Variants in PDE4D observed in about 807,000 individuals in gnomAD.
PDE4D encodes 3',5'-cyclic-AMP phosphodiesterase 4D.
Under a neutral mutation model 87.4 loss-of-function variants are expected in PDE4D, and 24 were observed. That is an observed-to-expected ratio of 0.27 (90% CI 0.20 to 0.39). The LOEUF (loss-of-function observed/expected upper bound fraction) is 0.39, where lower values mean the gene tolerates loss of function less well. Among genes scored for constraint, PDE4D ranks in the 10% least tolerant of loss-of-function variants. PDE4D has a pLI of 1.00. For synonymous variants in PDE4D, 384 were observed against 383.2 expected (o/e 1.00, Z -0.02); for missense variants, 714 against 1,041.0 (o/e 0.69, Z 4.32).
At chr5:59,462,329 G>A (rs1226769681) in intron 1 of PDE4D, among the ~76,000 whole-genome samples, 1 of 151,752 alleles carries the variant, frequency 6.6e-6, no homozygotes, top group Non-Finnish European at 1.5e-5. Context: ...AATTAGCTAG[G>A]GTCTCTAGGT....
intron 5 of PDE4D, among the ~76,000 whole-genome samples, chr5:59,112,766 T>C (rs1244816766): frequency 6.6e-6 from 1 of 151,264 alleles, no homozygotes; most frequent in African/African-American, 2.4e-5. Context: ...CTTTCTACCC[T>C]TCCCTTCCTT....
chr5:59,296,830 T>C (rs978066670), intron 1 of PDE4D, among the ~76,000 whole-genome samples: 1 of 151,894 alleles, frequency 6.6e-6, no homozygotes, highest in African/African-American at 2.4e-5. Context: ...AAGGTTAAAC[T>C]CGCAAGGTTA....
chr5:59,365,295 C>CA (rs1024453783), intron 1 of PDE4D, among the ~76,000 whole-genome samples: 3 of 151,804 alleles, frequency 2.0e-5, no homozygotes, highest in Non-Finnish European at 4.4e-5. Flanking sequence ...CCCATCTCTA[C>CA]AAAAAAGAGA....
intron 1 of PDE4D, among the ~76,000 whole-genome samples, chr5:59,515,461 T>C (rs1810990343): frequency 6.6e-6 from 1 of 152,080 alleles, no homozygotes; most frequent in South Asian, 2.1e-4. Flanking sequence ...TTTTAAAAAG[T>C]GGTATAAAAT....
chr5:59,558,662 A>C (rs896700582), intron 1 of PDE4D: 8 of 152,212 alleles, frequency 5.3e-5, no homozygotes, highest in South Asian at 2.1e-4. Context: ...TGTGCATCTG[A>C]TACCATAAAT....
intron 1 of PDE4D, among the ~76,000 whole-genome samples, chr5:59,686,995 G>A (rs1749981246): frequency 6.6e-6 from 1 of 152,118 alleles, no homozygotes; most frequent in Non-Finnish European, 1.5e-5. Flanking sequence ...TTTGGTAGAG[G>A]TTCTCATTAG....
At chr5:59,642,523 A>G (rs893560492) in intron 1 of PDE4D, among the ~76,000 whole-genome samples, 2 of 152,184 alleles carry the variant, frequency 1.3e-5, no homozygotes, top group African/African-American at 2.4e-5. Flanking sequence ...GTGGTGGTGA[A>G]TAAGTCTCAC....
intron 1 of PDE4D, among the ~76,000 whole-genome samples, chr5:60,407,585 T>C (rs1741663412): frequency 6.7e-6 from 1 of 150,000 alleles, no homozygotes; most frequent in Non-Finnish European, 1.5e-5. Context: ...TCTGAGTAGC[T>C]GGGACTGCAG....
At chr5:59,888,993 G>A (rs1168287075) in intron 1 of PDE4D, among the ~76,000 whole-genome samples, 2 of 151,916 alleles carry the variant, frequency 1.3e-5, no homozygotes, top group South Asian at 2.1e-4. Flanking sequence ...TTGGGAGGCC[G>A]AGGCGGGTGG....
chr5:59,430,284 A>C, intron 1 of PDE4D: 2 of 1,231,166 alleles, frequency 1.6e-6, no homozygotes, highest in Admixed American at 8.4e-5. Flanking sequence ...GAGGAAAGGA[A>C]AGCAGTTACC....
chr5:60,310,589 G>A (rs575619830), intron 1 of PDE4D, among the ~76,000 whole-genome samples: 76 of 152,294 alleles, frequency 5.0e-4, no homozygotes, highest in African/African-American at 1.7e-3. Context: ...GAAAAGTGGG[G>A]TTGTGTGATT....
At chr5:60,412,214 T>C (rs1742103733) in intron 1 of PDE4D, among the ~76,000 whole-genome samples, 2 of 152,128 alleles carry the variant, frequency 1.3e-5, no homozygotes, top group Non-Finnish European at 2.9e-5. Flanking sequence ...CACTATTCCA[T>C]CTTGCAAGTA....
At chr5:59,170,189 TA>T (rs1258930612) in intron 5 of PDE4D, among the ~76,000 whole-genome samples, 1 of 152,178 alleles carries the variant, frequency 6.6e-6, no homozygotes, top group African/African-American at 2.4e-5. Flanking sequence ...AGCTAATTTT[TA>T]AAATTTTTTG....
intron 1 of PDE4D, among the ~76,000 whole-genome samples, chr5:59,329,541 C>T (rs193217283): frequency 2.8e-4 from 43 of 152,272 alleles, no homozygotes; most frequent in African/African-American, 9.9e-4. Flanking sequence ...CATATGTCAA[C>T]CTTCAATCAA....
At chr5:59,482,947 G>GTAAT (rs1804523436) in intron 1 of PDE4D, among the ~76,000 whole-genome samples, 1 of 152,106 alleles carries the variant, frequency 6.6e-6, no homozygotes. Flanking sequence ...TTGGATAAGA[G>GTAAT]TAACATTTGA....
rs142612294 is a variant in PDE4D, at chr5:59,905,190, C to T, written c.272+83298G>A. On this transcript the variant is annotated intron_variant, in intron 3 of 16. Transcript: ENST00000502484. ...CAAGGCTGAGTAGTTTTCCCCCTGG[C>T]TCAGTGCATGGAAAACAGCATATTT... Among the ~76,000 whole-genome samples, 775 of 152,266 alleles carry T rather than the reference C, an allele frequency of 5.1e-3. 5 individuals are homozygous for T. The highest frequency in any genetic ancestry group is 6.5e-3 in the Non-Finnish European group (445 of 67,998).
intron 1 of PDE4D, among the ~76,000 whole-genome samples, chr5:60,289,274 C>A (rs566190821): frequency 2.0e-5 from 3 of 151,972 alleles, no homozygotes; most frequent in Non-Finnish European, 2.9e-5. Context: ...AAATATCACC[C>A]CCCTCAAAAA....
chr5:59,986,701 C>T (rs1007322862), intron 3 of PDE4D: 3 of 152,198 alleles, frequency 2.0e-5, no homozygotes, highest in Admixed American at 1.3e-4. Context: ...GAGTGATCCA[C>T]CATTCTCTAA....
intron 1 of PDE4D, among the ~76,000 whole-genome samples, chr5:59,745,215 G>A (rs1295885670): frequency 6.6e-6 from 1 of 152,010 alleles, no homozygotes; most frequent in Admixed American, 6.6e-5. Context: ...AGAACAGAAA[G>A]GTTCTCTTTT....
Sources: allele counts gnomAD v4.1 joint callset (sites outside exome capture counted in the v4.1 genomes callset), GRCh38; gene constraint gnomAD v4.1.1; transcripts MANE v1.5; gene names NCBI Gene and HGNC (gene_info 2026-07-23, HGNC 2026-07-21).